Variants in INPP5K observed in about 807,000 individuals in gnomAD.
INPP5K encodes inositol polyphosphate-5-phosphatase K.
Under a neutral mutation model 53.5 loss-of-function variants are expected in INPP5K, and 35 were observed. The observed-to-expected ratio is 0.65, with a 90% CI of 0.50 to 0.87. The LOEUF (loss-of-function observed/expected upper bound fraction) is 0.87, where lower values mean the gene tolerates loss of function less well. Among genes scored for constraint, INPP5K ranks in the 40% least tolerant of loss-of-function variants. INPP5K has a pLI of 0.00. For synonymous variants in INPP5K, 253 were observed against 232.8 expected, an observed-to-expected ratio of 1.09 and a Z score of -0.79; for missense variants, 550 against 586.2, an observed-to-expected ratio of 0.94 and a Z score of 0.64.
chr17:1,498,636 GCT>G (rs1344152730), intron 7 of INPP5K, among the ~76,000 whole-genome samples: 3 of 152,088 alleles, frequency 2.0e-5, no homozygotes, highest in Non-Finnish European at 4.4e-5. Context: ...ACAGGGTCTT[GCT>G]CTGTCATGCA....
chr17:1,514,687 G>A (rs2075391417), intron 1 of INPP5K, among the ~76,000 whole-genome samples: 1 of 152,068 alleles, frequency 6.6e-6, no homozygotes, highest in African/African-American at 2.4e-5. Flanking sequence ...ATCATCTATG[G>A]CTCAGTCGGC....
At chr17:1,500,108 C>T (rs370853447) in intron 7 of INPP5K, among the ~76,000 whole-genome samples, 47 of 152,292 alleles carry the variant, frequency 3.1e-4, no homozygotes, top group African/African-American at 3.8e-4. Context: ...CCAGGGCACC[C>T]GGCTATTTTA....
intron 7 of INPP5K, among the ~76,000 whole-genome samples, chr17:1,502,598 A>G (rs2075053670): frequency 7.1e-6 from 1 of 140,228 alleles, no homozygotes; most frequent in Admixed American, 8.1e-5. Context: ...AGATTTACTT[A>G]GCCCTTCTTA....
chr17:1,513,708 C>A, intron 2 of INPP5K, 147 bp from the exon 3 acceptor site: 1 of 908,680 alleles, frequency 1.1e-6, no homozygotes, highest in Admixed American at 2.2e-5. Flanking sequence ...CTCCAGCCCC[C>A]TTTGCCGTTG....
chr17:1,511,431 G>A (rs1466186161), intron 3 of INPP5K, among the ~76,000 whole-genome samples: 6 of 152,216 alleles, frequency 3.9e-5, no homozygotes, highest in Admixed American at 6.5e-5. Context: ...AGCCGTTTCC[G>A]GAGAATGAAG....
intron 7 of INPP5K, 88 bp from the exon 8 acceptor site, chr17:1,498,210 G>A: frequency 8.3e-7 from 1 of 1,211,878 alleles, no homozygotes; most frequent in Non-Finnish European, 1.2e-6. Context: ...GAGCTTGCTG[G>A]AGCCCCTAAC....
chr17:1,507,032 G>A lies in INPP5K; in HGVS notation c.724C>T (p.Leu242Phe). 6.2e-7 allele frequency: 1 copy of A among 1,614,050 alleles called. No homozygotes were observed. The highest frequency in any genetic ancestry group is 2.2e-5 in the East Asian group (1 of 44,878). Residue 242 changes from leucine (L) to phenylalanine (F), a missense_variant, in exon 7 of 12, where the codon CTC becomes TTC. Physicochemically the swap from Leu to Phe is conservative, Grantham distance 22. Transcript: ENST00000421807. ...TCAAACTTGTAGGTGGGCGGGAAGA[G>A]TAGGCGGCCCTCCTGGAACTCCCGG... ...LLREFQEGRL[L>F]FPPTYKFDRN...
At chr17:1,507,129 G>A (rs771029552) in intron 6 of INPP5K, 40 bp from the exon 7 acceptor site, 177 of 1,512,146 alleles carry the variant, frequency 1.2e-4, no homozygotes, top group Admixed American at 6.8e-4. Context: ...CAGTAGTCTC[G>A]ACCCAGTGGC....
rs2074861172 is a variant in INPP5K, at chr17:1,496,796, G to A, written c.971C>T (p.Pro324Leu). The A allele has an allele frequency of 6.2e-7, 1 of 1,614,070 alleles. No individual in the cohort carries two copies. The highest frequency in any genetic ancestry group is 8.5e-7 in the Non-Finnish European group (1 of 1,179,988). Reference protein sequence around the residue: ...VSGTFDLELKPLVSAPLIVLM... With the variant: ...VSGTFDLELKLLVSAPLIVLM... ...GACGATCAGCGGAGCAGACACCAATGGCTTCAGCTAGACACGGGGGTGGGA... is the reference window on the plus strand; with the variant it reads ...GACGATCAGCGGAGCAGACACCAATAGCTTCAGCTAGACACGGGGGTGGGA... The change falls in exon 9 of 12, where the codon CCA becomes CTA. Residue 324 changes from proline to leucine, a missense_variant. Physicochemically the swap from Pro to Leu is moderately conservative, Grantham distance 98. Transcript: ENST00000421807.
intron 9 of INPP5K, 124 bp from the exon 10 acceptor site, chr17:1,496,526 A>G (rs1598358400): frequency 7.4e-7 from 1 of 1,359,114 alleles, no homozygotes; most frequent in Non-Finnish European, 1.0e-6. Flanking sequence ...GCCGCCCTTC[A>G]CTGCCAGCCT....
chr17:1,513,722 A>G lies in INPP5K; in HGVS notation c.152+150T>C, dbSNP rs1357434527. On this transcript the variant is annotated intron_variant, in intron 2 of 11. Transcript: ENST00000421807. ...TCTCCAGCCCCCTTTGCCGTTGCTG[A>G]CCCGGGACCAGAGACATGGGACTGT... 10 of 860,624 alleles carry G rather than the reference A, an allele frequency of 1.2e-5. No individual in the cohort carries two copies. In the East Asian group the frequency reaches 1.3e-4, roughly 11 times the overall value. 53.3% of individuals were successfully genotyped at this position (860,624 alleles called of 1,614,324 possible).
intron 3 of INPP5K, among the ~76,000 whole-genome samples, chr17:1,512,467 GAC>G (rs757020302): frequency 5.9e-5 from 9 of 152,080 alleles, no homozygotes; most frequent in Non-Finnish European, 1.2e-4. Flanking sequence ...CCCTCCAAAG[GAC>G]ACACAGCTCT....
At chr17:1,497,499 T>C (rs750872240) in intron 8 of INPP5K, among the ~76,000 whole-genome samples, 7 of 151,956 alleles carry the variant, frequency 4.6e-5, no homozygotes, top group Non-Finnish European at 8.8e-5. Flanking sequence ...AGTAAACCTG[T>C]ATGAAAACGT....
At chr17:1,505,589 G>A (rs897073656) in intron 7 of INPP5K, among the ~76,000 whole-genome samples, 9 of 151,954 alleles carry the variant, frequency 5.9e-5, no homozygotes, top group African/African-American at 1.9e-4. Flanking sequence ...CCCTGCTCAC[G>A]ACCCTACCCT....
chr17:1,501,458 C>G (rs895308690), intron 7 of INPP5K, among the ~76,000 whole-genome samples: 9 of 152,172 alleles, frequency 5.9e-5, no homozygotes, highest in African/African-American at 1.9e-4. Context: ...TTTCTCTAAG[C>G]CTCAGTTTCT....
Position 1,496,650 on chromosome 17 carries a change from C to T in INPP5K, c.1101+16G>A, listed in dbSNP as rs2074854062. The T allele has an allele frequency of 3.1e-6, 5 of 1,613,428 alleles. No individual in the cohort carries two copies. The highest frequency in any genetic ancestry group is 1.1e-5 in the South Asian group (1 of 91,076). On this transcript the variant is annotated intron_variant, in intron 9 of 11. Coordinates refer to ENST00000421807, the MANE Select transcript of INPP5K (RefSeq NM_016532.4). Reference sequence around the variant, plus strand: ...GGGCTGTCGCTGATGGACTTCCTGCCTTGCCACCACATCACCTTGTACAGT... The same window carrying T: ...GGGCTGTCGCTGATGGACTTCCTGCTTTGCCACCACATCACCTTGTACAGT...
At chr17:1,499,852 C>T in intron 7 of INPP5K, among the ~76,000 whole-genome samples, 1 of 151,756 alleles carries the variant, frequency 6.6e-6, no homozygotes, top group South Asian at 2.1e-4. Flanking sequence ...CTAATTGGAT[C>T]AATCAATCAA....
At chr17:1,505,232 C>T (rs1009256369) in intron 7 of INPP5K, among the ~76,000 whole-genome samples, 1 of 152,114 alleles carries the variant, frequency 6.6e-6, no homozygotes, top group African/African-American at 2.4e-5. Flanking sequence ...CTCAAGTGAT[C>T]CTCCTGCCTC....
At chr17:1,497,770 G>A (rs2074895034) in intron 8 of INPP5K, 166 bp downstream of exon 8, 2 of 625,740 alleles carry the variant, frequency 3.2e-6, no homozygotes, top group South Asian at 2.1e-5. Context: ...GCCATCAACG[G>A]CTCCTAAGAG....
Sources: gnomAD v4.1 joint callset for allele counts (sites outside exome capture counted in the v4.1 genomes callset) on GRCh38, gnomAD v4.1.1 for gene constraint, MANE v1.5 for transcripts, NCBI Gene and HGNC (gene_info 2026-07-23, HGNC 2026-07-21) for gene names.